The following SARAF variants were observed in gnomAD, a reference collection of about 807,000 sequenced individuals.
SARAF encodes store-operated calcium entry-associated regulatory factor.
SARAF carries 23 observed loss-of-function variants against 39.7 expected under a neutral mutation model. The observed-to-expected ratio is 0.58, with a 90% CI of 0.42 to 0.82. The LOEUF is 0.82. SARAF is among the 40% of genes least tolerant of loss of function. The probability of loss-of-function intolerance (pLI) is 0.00; values close to 1 mark genes in which losing one functional copy is unlikely to be tolerated. For synonymous variants in SARAF, 175 were observed against 168.5 expected (o/e 1.04, Z -0.30); for missense variants, 384 against 418.5 (o/e 0.92, Z 0.72).
At position 30,069,232 on chromosome 8, in the gene SARAF, C is replaced by T. The variant is rs1801771285; in HGVS notation, c.700+410G>A. Among the ~76,000 whole-genome samples the T allele has an allele frequency of 3.3e-5, 5 of 150,836 alleles. No homozygotes were observed. In the South Asian group the frequency reaches 1.0e-3, roughly 32 times the overall value. On this transcript the variant is annotated intron_variant, in intron 3 of 5. Coordinates refer to ENST00000256255, the MANE Select transcript of SARAF (RefSeq NM_016127.6). The stretch of plus-strand genomic sequence containing the variant: ...TCGGCTCACCGCAACCTCCACCTCC[C>T]GGGTTCAAGTGATTCTCATGCCTCA...
chr8:30,070,526 G>C (rs187854374), intron 2 of SARAF, among the ~76,000 whole-genome samples: 1 of 152,194 alleles, frequency 6.6e-6, no homozygotes, highest in Admixed American at 6.5e-5. Flanking sequence ...GAAAATGAGG[G>C]GCTTCAAAGA....
chr8:30,074,100 C>A, intron 1 of SARAF, 45 bp from the exon 2 acceptor site: 2 of 1,581,538 alleles, frequency 1.3e-6, no homozygotes, highest in South Asian at 2.3e-5. Flanking sequence ...AGTATCGTGT[C>A]AGAGAAAGAA....
At chr8:30,076,714 G>A (rs1801974675) in intron 1 of SARAF, among the ~76,000 whole-genome samples, 3 of 152,198 alleles carry the variant, frequency 2.0e-5, no homozygotes, top group Admixed American at 6.5e-5. Flanking sequence ...GTTAGTTATC[G>A]CAGGAGTGGA....
intron 3 of SARAF, among the ~76,000 whole-genome samples, chr8:30,067,462 T>G (rs1801717578): frequency 6.6e-6 from 1 of 152,190 alleles, no homozygotes; most frequent in African/African-American, 2.4e-5. Context: ...AATTTGTACA[T>G]ATGTACCTAT....
At chr8:30,078,860 A>G (rs1438478879) in intron 1 of SARAF, among the ~76,000 whole-genome samples, 1 of 152,204 alleles carries the variant, frequency 6.6e-6, no homozygotes, top group Non-Finnish European at 1.5e-5. Flanking sequence ...AGGTTACTAT[A>G]AAATTATTAT....
At chr8:30,064,146 G>T (rs73565726) in intron 5 of SARAF, among the ~76,000 whole-genome samples, 10,815 of 151,992 alleles carry the variant, frequency 0.071, 448 homozygotes, top group African/African-American at 0.11. Flanking sequence ...TGACAGTTAG[G>T]ACCCCAAAAA....
rs552624199 is a variant in SARAF, at chr8:30,069,031, GA to G, written c.700+610del. Reference sequence around the variant, plus strand: ...TACGTTGAGATTTATAATACTTAAAGAATTAATTTTTATGTATAGTGTGAGA... The same window carrying G: ...TACGTTGAGATTTATAATACTTAAAGATTAATTTTTATGTATAGTGTGAGA... On this transcript the variant is annotated intron_variant, in intron 3 of 5. Coordinates refer to ENST00000256255, the MANE Select transcript of SARAF (RefSeq NM_016127.6). Among the ~76,000 whole-genome samples the G allele has an allele frequency of 2.3e-4, 35 of 151,202 alleles. 2 individuals carry two copies. The South Asian group carries it at 3.5e-3, about 15-fold the overall frequency.
At chr8:30,064,549 A>ATTTTTTTTTTTTTT (rs1285474401) in intron 5 of SARAF, among the ~76,000 whole-genome samples, 1 of 43,826 alleles carries the variant, frequency 2.3e-5, no homozygotes, top group Non-Finnish European at 3.8e-5. Flanking sequence ...ATATATATAT[A>ATTTTTTTTTTTTTT]TATATATATA....
rs1376953144 is a variant in SARAF, at chr8:30,083,061, A to C, written c.-112T>G. On this transcript the variant is annotated 5_prime_UTR_variant, in exon 1 of 6. Transcript: ENST00000256255. The stretch of plus-strand genomic sequence containing the variant: ...CCGCTACCCCTGGCGGCGGCGAAGG[A>C]ACGGCCCGACTGCAGAGCTGCAGCC... 15 of 764,928 alleles carry C rather than the reference A, an allele frequency of 2.0e-5. No individual in the cohort carries two copies. The highest frequency in any genetic ancestry group is 3.0e-5 in the Non-Finnish European group (15 of 495,978). The allele number at this position is 764,928 out of a possible 1,614,324, so 47.4% of individuals were successfully genotyped here. A position where few individuals can be genotyped will look rare whatever the true frequency, so the allele number is the denominator to read the frequency against.
intron 3 of SARAF, among the ~76,000 whole-genome samples, chr8:30,069,233 G>A (rs576748117): frequency 1.3e-4 from 17 of 134,382 alleles, no homozygotes; most frequent in African/African-American, 3.7e-4. Flanking sequence ...TCCACCTCCC[G>A]GGTTCAAGTG....
intron 1 of SARAF, among the ~76,000 whole-genome samples, chr8:30,074,361 A>C (rs944668670): frequency 2.0e-5 from 3 of 152,220 alleles, no homozygotes; most frequent in Non-Finnish European, 4.4e-5. Context: ...CTACTGTGTA[A>C]TAATAATAGT....
chr8:30,072,689 C>T (rs1801874578), intron 2 of SARAF, among the ~76,000 whole-genome samples: 1 of 152,188 alleles, frequency 6.6e-6, no homozygotes, highest in Non-Finnish European at 1.5e-5. Flanking sequence ...TGCTACTAAA[C>T]ATAAGCCAAT....
rs1402020823 is a variant in SARAF at position 30,064,555 on chromosome 8, A to ATT, written c.995-643_995-642insAA. On this transcript the variant is annotated intron_variant, in intron 5 of 5. Coordinates refer to ENST00000256255, the MANE Select transcript of SARAF (RefSeq NM_016127.6). ...TAGCCATATATATATATATATATAT[A>ATT]TATATATTTTTTTTTTTTTTTTTTG... Among the ~76,000 whole-genome samples, 18 of 52,508 alleles carry ATT rather than the reference A, an allele frequency of 3.4e-4. 1 individual carries two copies. The highest frequency in any genetic ancestry group is 9.3e-4 in the South Asian group (1 of 1,080). The allele number at this position is 52,508 out of a possible 152,430, so 34.4% of individuals were successfully genotyped here.
intron 5 of SARAF, among the ~76,000 whole-genome samples, chr8:30,064,561 A>ATATATATTTTTTATTTTTT (rs1423689069): frequency 2.2e-5 from 1 of 46,228 alleles, no homozygotes; most frequent in Non-Finnish European, 3.4e-5. Context: ...ATATATATAT[A>ATATATATTTTTTATTTTTT]TTTTTTTTTT....
chr8:30,076,573 C>T lies in SARAF; in HGVS notation c.104-2518G>A, dbSNP rs1801970827. On this transcript the variant is annotated intron_variant, in intron 1 of 5. Transcript: ENST00000256255. ...ACTAAAAATATGAGGAAAGTCCCTG[C>T]TATGGTTTGAATGTGTCCCCCAAAG... Among the ~76,000 whole-genome samples, 4 of 152,202 alleles carry T rather than the reference C, an allele frequency of 2.6e-5. No homozygotes were observed. The South Asian group carries it at 8.3e-4, about 31-fold the overall frequency.
chr8:30,071,083 G>T (rs1179711842), intron 2 of SARAF, among the ~76,000 whole-genome samples: 1 of 152,184 alleles, frequency 6.6e-6, no homozygotes, highest in East Asian at 1.9e-4. Flanking sequence ...GTTCATGCTT[G>T]TAATCCCAGC....
Position 30,082,969 on chromosome 8 carries a change from G to T in SARAF, c.-20C>A. 6.5e-7 allele frequency: 1 copy of T among 1,532,722 alleles called. No individual in the cohort carries two copies. The highest frequency in any genetic ancestry group is 8.8e-7 in the Non-Finnish European group (1 of 1,138,074). 94.9% of individuals were successfully genotyped at this position (1,532,722 alleles called of 1,614,324 possible). On this transcript the variant is annotated 5_prime_UTR_variant, in exon 1 of 6. Coordinates refer to ENST00000256255, the MANE Select transcript of SARAF (RefSeq NM_016127.6). ...GGCCATGGCGCTCGATGAAGATGGC[G>T]CCGGGCTGCCAGACGCCTACGGGCC...
At position 30,063,122 on chromosome 8, in the gene SARAF, T is replaced by A. The variant is rs1801596314; in HGVS notation, c.*766A>T. On this transcript the variant is annotated 3_prime_UTR_variant, in exon 6 of 6. Coordinates refer to ENST00000256255, the MANE Select transcript of SARAF (RefSeq NM_016127.6). ...CCCCTTGTTTGTTTTTATTGATTCTTTTTAAGATTGAAACAGACTATTACA... is the reference window on the plus strand; with the variant it reads ...CCCCTTGTTTGTTTTTATTGATTCTATTTAAGATTGAAACAGACTATTACA... 2 of 152,230 alleles carry A rather than the reference T, an allele frequency of 1.3e-5. No individual in the cohort carries two copies. Among genetic ancestry groups the A allele is most frequent in the Non-Finnish European group, 2.9e-5 (2 of 68,032 alleles). The allele number at this position is 152,230 out of a possible 1,614,324, so 9.4% of individuals were successfully genotyped here. A position where few individuals can be genotyped will look rare whatever the true frequency, so the allele number is the denominator to read the frequency against.
At chr8:30,072,388 T>C (rs1398672181) in intron 2 of SARAF, among the ~76,000 whole-genome samples, 1 of 152,212 alleles carries the variant, frequency 6.6e-6, no homozygotes, top group East Asian at 1.9e-4. Flanking sequence ...TAGGTTGTCT[T>C]TTCACTTTCT....
Sources: gnomAD v4.1 joint callset for allele counts (sites outside exome capture counted in the v4.1 genomes callset) on GRCh38, gnomAD v4.1.1 for gene constraint, MANE v1.5 for transcripts, NCBI Gene and HGNC (gene_info 2026-07-23, HGNC 2026-07-21) for gene names.